TUSC3: variants seen among roughly 807,000 people sequenced by gnomAD.
The protein encoded by TUSC3 is tumor suppressor candidate 3, also known as dolichyl-diphosphooligosaccharide--protein glycosyltransferase subunit TUSC3.
Under a neutral mutation model 44.8 loss-of-function variants are expected in TUSC3, and 45 were observed. The ratio of observed to expected loss-of-function variants is 1.00; its 90% CI spans 0.79 to 1.29. TUSC3 has a LOEUF of 1.29. Ranked by LOEUF, TUSC3 falls within the 50% of genes most tolerant of loss-of-function variation. The probability of loss-of-function intolerance (pLI) is 0.00; values close to 1 mark genes in which losing one functional copy is unlikely to be tolerated. For synonymous variants in TUSC3, 212 were observed against 152.9 expected (o/e 1.39, Z -2.85); for missense variants, 519 against 437.9 (o/e 1.19, Z -1.65).
At chr8:15,592,164 C>T (rs1803870817) in intron 1 of TUSC3, among the ~76,000 whole-genome samples, 2 of 152,138 alleles carry the variant, frequency 1.3e-5, no homozygotes, top group African/African-American at 2.4e-5. Flanking sequence ...TTGTTTTCCA[C>T]TTAGTAAAAT....
At chr8:15,652,840 G>A (rs1471130653) in intron 3 of TUSC3, among the ~76,000 whole-genome samples, 1 of 152,130 alleles carries the variant, frequency 6.6e-6, no homozygotes, top group Non-Finnish European at 1.5e-5. Flanking sequence ...TATCTTACAT[G>A]ACTAGACTTG....
In TUSC3 at chr8:15,534,032, C is replaced by T. The variant is rs552498862; in HGVS notation, n.189+50549C>T. On this transcript the variant is annotated intron_variant and non_coding_transcript_variant, in intron 2 of 5. Coordinates refer to the TUSC3 transcript ENST00000503191. ...TTGATCAAGGGAAACTTTAGAATGG[C>T]AGTGCTTGTCCAAGATAGTGATGTT... Among the ~76,000 whole-genome samples the T allele has an allele frequency of 4.6e-5, 7 of 152,208 alleles. No individual in the cohort carries two copies. In the South Asian group the frequency reaches 1.5e-3, roughly 32 times the overall value.
At chr8:15,690,034 T>C (rs1808830539) in intron 6 of TUSC3, among the ~76,000 whole-genome samples, 1 of 152,132 alleles carries the variant, frequency 6.6e-6, no homozygotes, top group Non-Finnish European at 1.5e-5. Context: ...TACACAATAA[T>C]GGGATGGCTG....
At chr8:15,465,698 A>T (rs1483417044) in intron 1 of TUSC3, among the ~76,000 whole-genome samples, 1 of 152,224 alleles carries the variant, frequency 6.6e-6, no homozygotes, top group African/African-American at 2.4e-5. Context: ...TCATCAAAAG[A>T]TGCTTAAAAT....
At chr8:15,710,577 C>G (rs1161550272) in intron 6 of TUSC3, among the ~76,000 whole-genome samples, 1 of 151,774 alleles carries the variant, frequency 6.6e-6, no homozygotes, top group African/African-American at 2.4e-5. Flanking sequence ...TACCTCTCCA[C>G]TGTCATTTTT....
intron 1 of TUSC3, among the ~76,000 whole-genome samples, chr8:15,561,121 C>T (rs1409049316): frequency 2.1e-5 from 2 of 96,538 alleles, no homozygotes; most frequent in Non-Finnish European, 4.4e-5. Context: ...TGTTTTTTCC[C>T]CATCTTTGTG....
chr8:15,698,798 A>G (rs1284253894), intron 6 of TUSC3, among the ~76,000 whole-genome samples: 1 of 151,800 alleles, frequency 6.6e-6, no homozygotes, highest in Non-Finnish European at 1.5e-5. Flanking sequence ...CAGTTTGCTT[A>G]TCAATAAGTT....
chr8:15,636,710 A>G (rs550042518), intron 2 of TUSC3, among the ~76,000 whole-genome samples: 10 of 152,202 alleles, frequency 6.6e-5, no homozygotes, highest in Admixed American at 1.3e-4. Context: ...TTTTCAGAGG[A>G]CACTGGTTTG....
At chr8:15,456,893 G>T (rs1412387723) in intron 1 of TUSC3, among the ~76,000 whole-genome samples, 1 of 151,994 alleles carries the variant, frequency 6.6e-6, no homozygotes, top group African/African-American at 2.4e-5. Context: ...AATACCAAAA[G>T]CATTGACTTG....
the TUSC3 span, among the ~76,000 whole-genome samples, chr8:15,839,469 C>G: frequency 6.6e-6 from 1 of 151,208 alleles, no homozygotes; most frequent in African/African-American, 2.4e-5. Context: ...TTTTTGCAAT[C>G]TACTCATCTG....
At chr8:15,446,888 G>A (rs1800112100) in intron 1 of TUSC3, among the ~76,000 whole-genome samples, 2 of 122,072 alleles carry the variant, frequency 1.6e-5, no homozygotes, top group Admixed American at 9.6e-5. Context: ...CAAAAAGGAT[G>A]AGTAGGTAAC....
chr8:15,538,599 T>C (rs1233090657), upstream of TUSC3, among the ~76,000 whole-genome samples: 3 of 152,298 alleles, frequency 2.0e-5, no homozygotes, highest in South Asian at 4.1e-4. Flanking sequence ...GCAAGCGTTC[T>C]TAATCTGGAG....
At chr8:15,607,101 C>T (rs965753437) in intron 1 of TUSC3, among the ~76,000 whole-genome samples, 1 of 151,952 alleles carries the variant, frequency 6.6e-6, no homozygotes, top group African/African-American at 2.4e-5. Flanking sequence ...GATCATAATC[C>T]CAAATGTTTT....
intron 1 of TUSC3, among the ~76,000 whole-genome samples, chr8:15,615,487 G>A (rs1018481380): frequency 6.6e-6 from 1 of 152,132 alleles, no homozygotes; most frequent in Non-Finnish European, 1.5e-5. Flanking sequence ...CAGGAGGGGA[G>A]GATAGGAAGA....
chr8:15,487,172 G>T (rs1041263215), intron 2 of TUSC3, among the ~76,000 whole-genome samples: 3 of 152,068 alleles, frequency 2.0e-5, no homozygotes, highest in African/African-American at 7.2e-5. Context: ...AATGATTTTA[G>T]TTCTTTATAT....
intron 2 of TUSC3, among the ~76,000 whole-genome samples, chr8:15,512,059 C>T (rs368092066): frequency 2.0e-5 from 3 of 152,142 alleles, no homozygotes; most frequent in Non-Finnish European, 4.4e-5. Context: ...AGATCCAGAA[C>T]ACCTTTGAAA....
rs149163279 is a variant in TUSC3 at position 15,599,255 on chromosome 8, T to C, written c.139-23825T>C. Among the ~76,000 whole-genome samples, 160 of 151,978 alleles carry C rather than the reference T, an allele frequency of 1.1e-3. 1 individual carries two copies. The highest frequency in any genetic ancestry group is 0.01 in the Middle Eastern group (3 of 294). On this transcript the variant is annotated intron_variant, in intron 1 of 10. Transcript: ENST00000503731. The stretch of plus-strand genomic sequence containing the variant: ...TTGGTGAGATGTCTCTTAAGGTCTT[T>C]GGCCCATTTTAAAATTGGGTTGTTT...
intron 4 of TUSC3, among the ~76,000 whole-genome samples, chr8:15,660,781 G>A (rs1161597499): frequency 6.6e-6 from 1 of 151,080 alleles, no homozygotes; most frequent in Non-Finnish European, 1.5e-5. Flanking sequence ...GTTGGTGCAA[G>A]ACATTAAGAG....
At chr8:15,511,507 A>G (rs1157058156) in intron 2 of TUSC3, among the ~76,000 whole-genome samples, 1 of 152,206 alleles carries the variant, frequency 6.6e-6, no homozygotes, top group Non-Finnish European at 1.5e-5. Flanking sequence ...AGAACCTTAA[A>G]TTTTAAACAC....
Sources: allele counts gnomAD v4.1 joint callset (sites outside exome capture counted in the v4.1 genomes callset), GRCh38; gene constraint gnomAD v4.1.1; transcripts MANE v1.5; gene names NCBI Gene and HGNC (gene_info 2026-07-23, HGNC 2026-07-21).